The following DENND1A variants were observed in gnomAD, a reference collection of about 807,000 sequenced individuals.
The protein encoded by DENND1A is DENN domain containing 1A, also known as DENN domain-containing protein 1A.
A neutral mutation model predicts 113.7 loss-of-function variants in DENND1A; 51 were observed. The ratio of observed to expected loss-of-function variants is 0.45; its 90% CI spans 0.36 to 0.57. The LOEUF is 0.57. DENND1A is among the 20% of genes least tolerant of loss of function. The probability of loss-of-function intolerance (pLI) is 0.00; values close to 1 mark genes in which losing one functional copy is unlikely to be tolerated. For missense variants in DENND1A, 1,258 were observed against 1,395.9 expected, an observed-to-expected ratio of 0.90 and a Z score of 1.57; for synonymous variants, 565 against 570.8, an observed-to-expected ratio of 0.99 and a Z score of 0.14.
intron 19 of DENND1A, chr9:123,414,438 T>C (rs1306621264): frequency 2.0e-6 from 3 of 1,469,626 alleles, no homozygotes; most frequent in Non-Finnish European, 2.7e-6. Context: ...GATGAAATCA[T>C]CTCAGTGGAA....
intron 19 of DENND1A, chr9:123,414,345 G>C: frequency 7.1e-7 from 1 of 1,415,296 alleles, no homozygotes; most frequent in Non-Finnish European, 9.2e-7. Context: ...CCTGCCTCCA[G>C]CCTCTCCCCC....
chr9:123,864,264 T>A (rs185865498), intron 2 of DENND1A, among the ~76,000 whole-genome samples: 144 of 152,278 alleles, frequency 9.5e-4, no homozygotes, highest in African/African-American at 3.4e-3. Flanking sequence ...GATGAATAAT[T>A]TCCCCAAGGT....
At chr9:123,454,635 G>A (rs2047978152) in intron 16 of DENND1A, 104 bp downstream of exon 16, 1 of 1,166,028 alleles carries the variant, frequency 8.6e-7, no homozygotes, top group Non-Finnish European at 1.3e-6. Context: ...CTCCAGCAGA[G>A]AGAATGGAGT....
intron 3 of DENND1A, among the ~76,000 whole-genome samples, chr9:123,790,552 C>T (rs1832851528): frequency 6.6e-6 from 1 of 152,176 alleles, no homozygotes; most frequent in Non-Finnish European, 1.5e-5. Context: ...ACAAATACTA[C>T]TATACTATGC....
At chr9:123,529,164 G>A (rs529436506) in intron 13 of DENND1A, among the ~76,000 whole-genome samples, 1 of 152,238 alleles carries the variant, frequency 6.6e-6, no homozygotes, top group African/African-American at 2.4e-5. Context: ...ACAAAGTAAT[G>A]TATGTGTCAC....
chr9:123,705,076 AAAAAC>A (rs898742008), intron 5 of DENND1A, among the ~76,000 whole-genome samples: 7 of 150,404 alleles, frequency 4.7e-5, no homozygotes, highest in African/African-American at 1.7e-4. Context: ...TTTAAAAAAA[AAAAAC>A]AAACAAACAC....
At chr9:123,483,114 T>C (rs1461404952) in intron 13 of DENND1A, among the ~76,000 whole-genome samples, 1 of 152,112 alleles carries the variant, frequency 6.6e-6, no homozygotes, top group East Asian at 1.9e-4. Flanking sequence ...AGAGAGGCTT[T>C]AGGAGACAAG....
intron 9 of DENND1A, among the ~76,000 whole-genome samples, chr9:123,649,011 G>GA (rs1430720855): frequency 1.3e-5 from 2 of 152,094 alleles, no homozygotes. Flanking sequence ...CAGCTTTATA[G>GA]AAAGTTTTGA....
chr9:123,457,323 G>C, intron 15 of DENND1A, 25 bp downstream of exon 15: 2 of 1,587,842 alleles, frequency 1.3e-6, no homozygotes, highest in Non-Finnish European at 1.7e-6. Context: ...CTGCAGCCCC[G>C]GAAGGAAAAT....
chr9:123,690,364 A>C (rs1402746478), intron 5 of DENND1A, among the ~76,000 whole-genome samples: 1 of 152,184 alleles, frequency 6.6e-6, no homozygotes, highest in Non-Finnish European at 1.5e-5. Context: ...TTAAGAAAAA[A>C]AAGTTGCCTG....
intron 3 of DENND1A, among the ~76,000 whole-genome samples, chr9:123,771,261 T>C (rs1829682408): frequency 6.6e-6 from 1 of 152,212 alleles, no homozygotes; most frequent in Non-Finnish European, 1.5e-5. Flanking sequence ...CATAATGTTA[T>C]TATCAGGCAA....
intron 19 of DENND1A, among the ~76,000 whole-genome samples, chr9:123,421,040 G>T (rs2045253190): frequency 6.7e-6 from 1 of 148,630 alleles, no homozygotes; most frequent in African/African-American, 2.5e-5. Context: ...TGCCCAGACA[G>T]AAGCAGGAGG....
intron 20 of DENND1A, among the ~76,000 whole-genome samples, chr9:123,409,279 TC>T (rs1437985358): frequency 6.6e-6 from 1 of 152,028 alleles, no homozygotes; most frequent in Non-Finnish European, 1.5e-5. Flanking sequence ...TTCATTTTTT[TC>T]TTGACTGAAT....
At chr9:123,802,940 G>T (rs142628004) in intron 2 of DENND1A, among the ~76,000 whole-genome samples, 3 of 152,156 alleles carry the variant, frequency 2.0e-5, no homozygotes, top group Non-Finnish European at 4.4e-5. Flanking sequence ...AACCTCAGGT[G>T]ATCTGCCCTC....
intron 5 of DENND1A, among the ~76,000 whole-genome samples, chr9:123,706,405 C>T (rs1334800011): frequency 2.6e-5 from 4 of 151,860 alleles, no homozygotes; most frequent in Non-Finnish European, 5.9e-5. Flanking sequence ...CCATTTTGGC[C>T]TCCCAGGATA....
At chr9:123,840,673 T>C (rs963283432) in intron 2 of DENND1A, among the ~76,000 whole-genome samples, 1 of 152,158 alleles carries the variant, frequency 6.6e-6, no homozygotes, top group African/African-American at 2.4e-5. Context: ...AGAGTCGCCA[T>C]TATTATTATC....
intron 19 of DENND1A, among the ~76,000 whole-genome samples, chr9:123,421,182 GCTA>G (rs1478419660): frequency 1.3e-5 from 2 of 150,550 alleles, no homozygotes; most frequent in African/African-American, 4.9e-5. Flanking sequence ...CCTCTCTGGG[GCTA>G]CTATTTTCTG....
At chr9:123,588,629 A>AG (rs1201084343) in intron 11 of DENND1A, among the ~76,000 whole-genome samples, 1 of 123,876 alleles carries the variant, frequency 8.1e-6, no homozygotes, top group African/African-American at 3.0e-5. Context: ...TCAAAAAAAA[A>AG]AAAAGGGGGG....
At position 123,525,961 on chromosome 9, in the gene DENND1A, AC is replaced by A. The variant is rs2054807049; in HGVS notation, c.993+31608del. Among the ~76,000 whole-genome samples, 4 of 151,934 alleles carry A rather than the reference AC, an allele frequency of 2.6e-5. No homozygotes were observed. The South Asian group carries it at 8.3e-4, about 32-fold the overall frequency. ...TTTTTGTAGAGACAGGGTCTATGTCACCCAGGCTGGTCTCAAACTCCTGGGC... is the reference window on the plus strand; with the variant it reads ...TTTTTGTAGAGACAGGGTCTATGTCACCAGGCTGGTCTCAAACTCCTGGGC... On this transcript the variant is annotated intron_variant, in intron 13 of 23. Transcript: ENST00000394215.
Sources: allele counts gnomAD v4.1 joint callset (sites outside exome capture counted in the v4.1 genomes callset), GRCh38; gene constraint gnomAD v4.1.1; transcripts MANE v1.5; gene names NCBI Gene and HGNC (gene_info 2026-07-23, HGNC 2026-07-21).